The following LRRTM4 variants were observed in gnomAD, a reference collection of about 807,000 sequenced individuals.
LRRTM4 encodes leucine rich repeat transmembrane neuronal 4, also known as leucine-rich repeat transmembrane neuronal protein 4.
A neutral mutation model predicts 47.6 loss-of-function variants in LRRTM4; 25 were observed. The ratio of observed to expected loss-of-function variants is 0.53; its 90% CI spans 0.38 to 0.73. The LOEUF is 0.73. LRRTM4 is among the 30% of genes least tolerant of loss of function. The pLI, the probability that LRRTM4 is intolerant of heterozygous loss-of-function variation, is 0.00. For missense variants in LRRTM4, 638 were observed against 713.4 expected (o/e 0.89, Z 1.20); for synonymous variants, 311 against 269.5 (o/e 1.15, Z -1.51).
chr2:76,886,550 T>G (rs575629901), intron 3 of LRRTM4, among the ~76,000 whole-genome samples: 2 of 152,154 alleles, frequency 1.3e-5, no homozygotes, highest in African/African-American at 4.8e-5. Context: ...AAGAGATATA[T>G]ATTTACTTAA....
intron 3 of LRRTM4, among the ~76,000 whole-genome samples, chr2:77,359,425 A>G (rs1393761027): frequency 1.3e-5 from 2 of 152,176 alleles, no homozygotes; most frequent in Non-Finnish European, 2.9e-5. Context: ...TTTCATCAAT[A>G]CTACATTATA....
At chr2:77,036,674 A>T (rs561716745) in intron 3 of LRRTM4, among the ~76,000 whole-genome samples, 18 of 151,874 alleles carry the variant, frequency 1.2e-4, no homozygotes, top group African/African-American at 4.3e-4. Flanking sequence ...AGCACTCAAT[A>T]TAGAGACTTT....
intron 3 of LRRTM4, among the ~76,000 whole-genome samples, chr2:76,849,012 TTC>T (rs938822122): frequency 1.3e-5 from 2 of 152,094 alleles, no homozygotes; most frequent in African/African-American, 4.8e-5. Context: ...TATACCAGAT[TTC>T]TCTCTCTCCT....
rs557046643 is a variant in LRRTM4 at position 77,228,556 on chromosome 2, G to A, written c.1551+289762C>T. Among the ~76,000 whole-genome samples, 271 of 152,226 alleles carry A rather than the reference G, an allele frequency of 1.8e-3. 1 individual carries two copies. The highest frequency in any genetic ancestry group is 6.3e-3 in the African/African-American group (261 of 41,538). The stretch of plus-strand genomic sequence containing the variant: ...CCAACCATGTCTCCTCATGTTTGTG[G>A]GAAATCTTGCTGCCAGTTTTCTACA... On this transcript the variant is annotated intron_variant, in intron 3 of 3. Coordinates refer to ENST00000409884, the MANE Select transcript of LRRTM4 (RefSeq NM_001134745.3).
intron 3 of LRRTM4, among the ~76,000 whole-genome samples, chr2:77,080,815 A>G (rs1200270349): frequency 3.9e-5 from 6 of 152,124 alleles, no homozygotes; most frequent in Admixed American, 3.9e-4. Flanking sequence ...CAATGCCTAT[A>G]AAGCCTTCTG....
chr2:76,993,785 C>T lies in LRRTM4; in HGVS notation c.1552-244869G>A, dbSNP rs1021192293. Among the ~76,000 whole-genome samples the T allele has an allele frequency of 3.3e-5, 5 of 151,922 alleles. No homozygotes were observed. In the South Asian group the frequency reaches 1.0e-3, roughly 31 times the overall value. On this transcript the variant is annotated intron_variant, in intron 3 of 3. Coordinates refer to ENST00000409884, the MANE Select transcript of LRRTM4 (RefSeq NM_001134745.3). ...ATCTAAAGGGAAATAAATTGTTCTACCAAAAAGACACACGCCCTTGTAAGT... is the reference window on the plus strand; with the variant it reads ...ATCTAAAGGGAAATAAATTGTTCTATCAAAAAGACACACGCCCTTGTAAGT...
intron 3 of LRRTM4, among the ~76,000 whole-genome samples, chr2:76,872,496 T>C (rs982942728): frequency 7.9e-5 from 12 of 152,022 alleles, no homozygotes; most frequent in African/African-American, 2.7e-4. Context: ...TATGGCTTTG[T>C]CCTCATCACA....
intron 3 of LRRTM4, among the ~76,000 whole-genome samples, chr2:77,492,108 A>T (rs769938143): frequency 6.6e-6 from 1 of 152,280 alleles, no homozygotes; most frequent in East Asian, 1.9e-4. Context: ...CCCTTAAATC[A>T]AAAGAAAGTG....
At chr2:76,771,767 C>CTGG (rs899105527) in intron 3 of LRRTM4, among the ~76,000 whole-genome samples, 7 of 152,082 alleles carry the variant, frequency 4.6e-5, no homozygotes, top group African/African-American at 1.2e-4. Context: ...ACCCAAGGGA[C>CTGG]TGGTCCCTTC....
chr2:76,787,220 ATGT>A (rs1674721233), intron 3 of LRRTM4, among the ~76,000 whole-genome samples: 1 of 151,960 alleles, frequency 6.6e-6, no homozygotes, highest in Admixed American at 6.5e-5. Context: ...TCTGGGAAAC[ATGT>A]TGATTGTGTG....
At chr2:76,791,782 G>A (rs1374792143) in intron 3 of LRRTM4, among the ~76,000 whole-genome samples, 1 of 152,082 alleles carries the variant, frequency 6.6e-6, no homozygotes, top group Non-Finnish European at 1.5e-5. Context: ...AGGTTTCAGA[G>A]GTATACTTAC....
At chr2:77,171,166 T>C (rs1179530947) in intron 3 of LRRTM4, among the ~76,000 whole-genome samples, 2 of 152,164 alleles carry the variant, frequency 1.3e-5, no homozygotes, top group Non-Finnish European at 2.9e-5. Context: ...AAATCAATGC[T>C]TGGTTTCCCT....
At chr2:77,504,763 A>G (rs1678704531) in intron 3 of LRRTM4, among the ~76,000 whole-genome samples, 1 of 142,038 alleles carries the variant, frequency 7.0e-6, no homozygotes, top group South Asian at 2.2e-4. Context: ...AATTGAATGA[A>G]CAAATATATG....
chr2:77,251,405 A>T lies in LRRTM4; in HGVS notation c.1551+266913T>A, dbSNP rs192540174. Among the ~76,000 whole-genome samples, 46 of 151,976 alleles carry T rather than the reference A, an allele frequency of 3.0e-4. No individual in the cohort carries two copies. The East Asian group carries it at 8.6e-3, about 29-fold the overall frequency. ...GAGTTCCAGGGAAATGGAGGAAGAAAGAGAACAAGAAGTCACTACATGGGA... is the reference window on the plus strand; with the variant it reads ...GAGTTCCAGGGAAATGGAGGAAGAATGAGAACAAGAAGTCACTACATGGGA... On this transcript the variant is annotated intron_variant, in intron 3 of 3. Transcript: ENST00000409884.
chr2:76,929,983 C>T (rs1405838808), intron 3 of LRRTM4, among the ~76,000 whole-genome samples: 3 of 150,096 alleles, frequency 2.0e-5, no homozygotes, highest in Admixed American at 6.7e-5. Context: ...TTATAGAATA[C>T]TTTCTTAGAG....
At chr2:77,424,326 G>A (rs538042273) in intron 3 of LRRTM4, among the ~76,000 whole-genome samples, 35 of 152,250 alleles carry the variant, frequency 2.3e-4, no homozygotes, top group Admixed American at 7.2e-4. Context: ...AGAATTTCTC[G>A]AAATAATGTT....
intron 3 of LRRTM4, among the ~76,000 whole-genome samples, chr2:77,227,023 C>T (rs2103962645): frequency 6.6e-6 from 1 of 152,126 alleles, no homozygotes; most frequent in East Asian, 1.9e-4. Context: ...TCTCCACTGA[C>T]TGTTATTCCC....
chr2:77,361,876 G>T (rs1369439096), intron 3 of LRRTM4, among the ~76,000 whole-genome samples: 1 of 152,010 alleles, frequency 6.6e-6, no homozygotes, highest in African/African-American at 2.4e-5. Flanking sequence ...TAGAGGCCAG[G>T]AGTTCAAGAC....
intron 3 of LRRTM4, among the ~76,000 whole-genome samples, chr2:77,504,804 C>A (rs919893112): frequency 2.6e-5 from 4 of 151,306 alleles, no homozygotes; most frequent in African/African-American, 4.8e-5. Flanking sequence ...ATTACATAAA[C>A]AATTTGTTAT....
Sources: allele counts gnomAD v4.1 joint callset (sites outside exome capture counted in the v4.1 genomes callset), GRCh38; gene constraint gnomAD v4.1.1; transcripts MANE v1.5; gene names NCBI Gene and HGNC (gene_info 2026-07-23, HGNC 2026-07-21).